Variants in SYNE1 observed in about 807,000 individuals in gnomAD.
SYNE1 encodes the protein spectrin repeat containing nuclear envelope protein 1, also known as nesprin-1.
In SYNE1, 616 loss-of-function variants were observed where a neutral mutation model predicts 1,111.0. That is an observed-to-expected ratio of 0.55 (90% CI 0.52 to 0.59). The LOEUF (loss-of-function observed/expected upper bound fraction) is 0.59, where lower values mean the gene tolerates loss of function less well. Among genes scored for constraint, SYNE1 ranks in the 20% least tolerant of loss-of-function variants. The pLI is 0.00. For missense variants in SYNE1, 10,006 were observed against 10,417.0 expected (o/e 0.96, Z 1.72); for synonymous variants, 3,855 against 3,825.8 (o/e 1.01, Z -0.28).
At chr6:152,209,168 C>A (rs960188050) in intron 124 of SYNE1, among the ~76,000 whole-genome samples, 1 of 152,158 alleles carries the variant, frequency 6.6e-6, no homozygotes, top group Non-Finnish European at 1.5e-5. Context: ...AATAGTTTTG[C>A]TTTTCTTCCT....
chr6:152,318,245 C>G lies in SYNE1; in HGVS notation c.16408G>C (p.Asp5470His). The G allele has an allele frequency of 6.2e-7, 1 of 1,614,162 alleles. No homozygotes were observed. Among genetic ancestry groups the G allele is most frequent in the Admixed American group, 1.7e-5 (1 of 60,008 alleles). ...TDQKVLGEEL[D>H]GCNSKLMELD... ...TCCATTAACTTTGAATTACAGCCATCTAATTCCTCTCCCAGCACCTTGATG... is the reference window on the plus strand; with the variant it reads ...TCCATTAACTTTGAATTACAGCCATGTAATTCCTCTCCCAGCACCTTGATG... Residue 5470 changes from aspartate to histidine, a missense_variant, in exon 86 of 146, where the codon GAT becomes CAT. Physicochemically the swap from Asp to His is moderately conservative, Grantham distance 81. Transcript: ENST00000367255.
intron 62 of SYNE1, among the ~76,000 whole-genome samples, chr6:152,366,773 A>G (rs555489921): frequency 2.9e-4 from 44 of 152,246 alleles, no homozygotes; most frequent in Non-Finnish European, 5.9e-4. Context: ...GGCACCCAGT[A>G]TACAAATGAA....
intron 78 of SYNE1, among the ~76,000 whole-genome samples, chr6:152,329,066 A>G (rs2096172684): frequency 6.6e-6 from 1 of 152,204 alleles, no homozygotes; most frequent in Non-Finnish European, 1.5e-5. Flanking sequence ...CTAATTATTC[A>G]TGGTTAATCA....
rs2098742159 is a variant in SYNE1, at chr6:152,462,827, A to T, written c.2161T>A (p.Ser721Thr). Reference protein sequence around the residue: ...KEYTDCVVTLSAFATEAHKKL... With the variant: ...KEYTDCVVTLTAFATEAHKKL... ...TTATGGGCTTCCGTTGCAAAAGCAGACAGGGTAACAACACAGTCTGTGTAT... is the reference window on the plus strand; with the variant it reads ...TTATGGGCTTCCGTTGCAAAAGCAGTCAGGGTAACAACACAGTCTGTGTAT... The change falls in exon 20 of 146, where the codon TCT becomes ACT. Residue 721 changes from serine (S) to threonine (T), a missense_variant. Around this residue, in one of 7 missense-constraint regions of SYNE1, gnomAD observed 1,971 missense variants for 2,084.1 expected, o/e 0.95. Coordinates refer to ENST00000367255, the MANE Select transcript of SYNE1 (RefSeq NM_182961.4). The T allele has an allele frequency of 1.9e-6, 3 of 1,613,964 alleles. No homozygotes were observed. The highest frequency in any genetic ancestry group is 2.5e-6 in the Non-Finnish European group (3 of 1,179,976).
intron 3 of SYNE1, among the ~76,000 whole-genome samples, chr6:152,600,464 CT>C (rs2099593526): frequency 6.6e-6 from 1 of 152,086 alleles, no homozygotes; most frequent in Non-Finnish European, 1.5e-5. Context: ...GCATCTTCTC[CT>C]TTGTCTTACA....
chr6:152,391,307 G>A lies in SYNE1; in HGVS notation c.7974C>T (p.Asp2658=). The change falls in exon 52 of 146, where the codon GAC becomes GAT. Residue 2658 remains aspartate, a synonymous_variant. Transcript: ENST00000367255. ...TTTGTGACAGCCGTTTCTCCAGGGT[G>A]TCTTTGCTCCCAAGAGTGCTCTCTG... The part of the protein sequence containing the change: ...ACAESTLGSK[D]TLEKRLSQIQ... 6.2e-7 allele frequency: 1 copy of A among 1,614,110 alleles called. No homozygotes were observed. The highest frequency in any genetic ancestry group is 1.1e-5 in the South Asian group (1 of 91,088).
chr6:152,458,769 T>C lies in SYNE1; in HGVS notation c.2556A>G (p.Lys852=). The change falls in exon 22 of 146, where the codon AAA becomes AAG. Residue 852 remains lysine, a synonymous_variant. Transcript: ENST00000367255. ...GGATTGTTCTCACCTGATGTTTTTG[T>C]TTAAAAAGGGCACTCGATTGTGCCT... ...EREAQSSALF[K]QKHQELLACQ... is the part of the protein sequence containing the mutation. The C allele has an allele frequency of 6.2e-7, 1 of 1,614,068 alleles. No homozygotes were observed. Among genetic ancestry groups the C allele is most frequent in the South Asian group, 1.1e-5 (1 of 91,082 alleles).
chr6:152,464,102 C>T (rs778075299), intron 18 of SYNE1, among the ~76,000 whole-genome samples: 1 of 152,034 alleles, frequency 6.6e-6, no homozygotes, highest in Non-Finnish European at 1.5e-5. Flanking sequence ...GGAGATAAAC[C>T]ATCGAAGCAA....
chr6:152,627,145 C>T (rs1181679573), intron 3 of SYNE1, among the ~76,000 whole-genome samples: 1 of 152,076 alleles, frequency 6.6e-6, no homozygotes, highest in African/African-American at 2.4e-5. Flanking sequence ...GAAGGCTGGG[C>T]TTATGACATT....
intron 58 of SYNE1, among the ~76,000 whole-genome samples, chr6:152,374,124 G>A (rs2097237897): frequency 6.6e-6 from 1 of 152,186 alleles, no homozygotes; most frequent in African/African-American, 2.4e-5. Context: ...GTTTCATAGG[G>A]TTGTCCTTAT....
intron 11 of SYNE1, among the ~76,000 whole-genome samples, chr6:152,492,168 C>T (rs978983052): frequency 1.1e-4 from 16 of 152,202 alleles, no homozygotes; most frequent in Admixed American, 4.6e-4. Flanking sequence ...GCTTTGCCGC[C>T]CTAGACCCAG....
In SYNE1 at chr6:152,540,005, T is replaced by C. The variant is rs1423761957; in HGVS notation, c.84A>G (p.Val28=). 1.9e-6 allele frequency: 3 copies of C among 1,613,832 alleles called. No homozygotes were observed. In the East Asian group the frequency reaches 6.7e-5, roughly 36 times the overall value. ...TCCATTTTGTGAAAGTTCGTTTTTG[T>C]ACTATCTCTTGCTCATCTAGAAGGA... ...MQRLQDEQEI[V]QKRTFTKWIN... Residue 28 remains valine, a synonymous_variant, in exon 4 of 146, where the codon GTA becomes GTG. Coordinates refer to ENST00000367255, the MANE Select transcript of SYNE1 (RefSeq NM_182961.4).
chr6:152,308,144 G>C (rs1400200998), intron 91 of SYNE1, among the ~76,000 whole-genome samples: 1 of 152,056 alleles, frequency 6.6e-6, no homozygotes, highest in South Asian at 2.1e-4. Flanking sequence ...ATGCAGCAAA[G>C]CTTTAAGCGT....
At chr6:152,603,238 A>C (rs894113553) in intron 3 of SYNE1, among the ~76,000 whole-genome samples, 6 of 152,210 alleles carry the variant, frequency 3.9e-5, no homozygotes, top group Non-Finnish European at 8.8e-5. Context: ...TTCAAGCAAC[A>C]GGAAAATTAA....
At chr6:152,247,185 G>A (rs1037790015) in intron 105 of SYNE1, among the ~76,000 whole-genome samples, 25 of 152,292 alleles carry the variant, frequency 1.6e-4, no homozygotes, top group Middle Eastern at 3.4e-3. Flanking sequence ...GCTCTGGATT[G>A]GAACAGCACA....
At chr6:152,534,614 A>G (rs1420672719) in intron 4 of SYNE1, among the ~76,000 whole-genome samples, 4 of 151,822 alleles carry the variant, frequency 2.6e-5, no homozygotes, top group Admixed American at 1.3e-4. Flanking sequence ...GAGAAAAACA[A>G]CTAAAAAATT....
chr6:152,129,715 C>T (rs1256039814), intron 145 of SYNE1: 1 of 152,090 alleles, frequency 6.6e-6, no homozygotes, highest in African/African-American at 2.4e-5. Context: ...TAGCCAGTCC[C>T]TTATGTACAG....
At chr6:152,209,509 G>C (rs1453707946) in intron 124 of SYNE1, among the ~76,000 whole-genome samples, 1 of 152,096 alleles carries the variant, frequency 6.6e-6, no homozygotes, top group Non-Finnish European at 1.5e-5. Flanking sequence ...CAGCACCTTG[G>C]GAGGCCGAGG....
At chr6:152,379,782 T>C (rs1264868888) in intron 56 of SYNE1, among the ~76,000 whole-genome samples, 2 of 152,188 alleles carry the variant, frequency 1.3e-5, no homozygotes, top group African/African-American at 4.8e-5. Context: ...CTCATGTATA[T>C]TTTTATAGGC....
Sources: gnomAD v4.1 joint callset for allele counts (sites outside exome capture counted in the v4.1 genomes callset) on GRCh38, gnomAD v4.1.1 for gene constraint, gnomAD v4.1.1 regional missense constraint, MANE v1.5 for transcripts, NCBI Gene and HGNC (gene_info 2026-07-23, HGNC 2026-07-21) for gene names.